TBCK: variants seen among roughly 807,000 people sequenced by gnomAD.
TBCK encodes TBC1 domain containing kinase.
A neutral mutation model predicts 113.4 loss-of-function variants in TBCK; 99 were observed. That is an observed-to-expected ratio of 0.87 (90% CI 0.74 to 1.03). TBCK has a LOEUF of 1.03. TBCK is among the 50% of genes least tolerant of loss of function. The pLI is 0.00. For missense variants in TBCK, 1,045 were observed against 1,061.3 expected (o/e 0.98, Z 0.21); for synonymous variants, 369 against 370.8 (o/e 1.00, Z 0.05).
At chr4:106,264,226 T>C (rs548636783) in intron 3 of TBCK, among the ~76,000 whole-genome samples, 141 of 102,318 alleles carry the variant, frequency 1.4e-3, no homozygotes, top group African/African-American at 4.9e-3. Context: ...TAATGTGACA[T>C]GTAGTGATTA....
At chr4:106,236,311 T>C (rs1024173892) in intron 14 of TBCK, 79 bp downstream of exon 14, 6 of 1,071,618 alleles carry the variant, frequency 5.6e-6, no homozygotes, top group African/African-American at 4.9e-5. Context: ...TTACTCAAGA[T>C]TCCCTAAGAA....
rs1733959414 is a variant in TBCK at position 106,043,146 on chromosome 4, C to A, written c.*3424G>T. ...TTTCATTTCTGACATCAAAAAACTT[C>A]TTTCTTTCAAACTTGGTTAAGCATT... On this transcript the variant is annotated 3_prime_UTR_variant, in exon 26 of 26. Transcript: ENST00000394708. The A allele has an allele frequency of 6.6e-6, 1 of 152,146 alleles. No homozygotes were observed. Among genetic ancestry groups the A allele is most frequent in the Non-Finnish European group, 1.5e-5 (1 of 68,002 alleles). The allele number at this position is 152,146 out of a possible 1,614,324, so 9.4% of individuals were successfully genotyped here. A position where few individuals can be genotyped will look rare whatever the true frequency, so the allele number is the denominator to read the frequency against.
At chr4:106,295,987 C>A (rs1341267214) in intron 2 of TBCK, among the ~76,000 whole-genome samples, 1 of 152,070 alleles carries the variant, frequency 6.6e-6, no homozygotes, top group African/African-American at 2.4e-5. Context: ...GCAGTCCAAA[C>A]CCATGTTGTT....
At chr4:106,096,859 A>G (rs1364690175) in intron 24 of TBCK, among the ~76,000 whole-genome samples, 1 of 152,182 alleles carries the variant, frequency 6.6e-6, no homozygotes, top group Non-Finnish European at 1.5e-5. Context: ...CCATCCATAA[A>G]ATTTGTTCAG....
rs1758045047 is a variant in TBCK, at chr4:106,224,673, A to T, written c.1774+5690T>A. 2.0e-5 allele frequency among the ~76,000 whole-genome samples: 3 copies of T among 152,280 alleles called. No individual in the cohort carries two copies. In the South Asian group the frequency reaches 6.2e-4, roughly 32 times the overall value. On this transcript the variant is annotated intron_variant, in intron 19 of 25. Transcript: ENST00000394708. ...TATCAAACTTTAGTAACCAATATAC[A>T]GTGTACTGTTTCAGCTCCTTCTTTA...
chr4:106,248,480 T>C (rs1311349943), intron 8 of TBCK, among the ~76,000 whole-genome samples, 174 bp from the exon 9 acceptor site: 1 of 152,196 alleles, frequency 6.6e-6, no homozygotes, highest in African/African-American at 2.4e-5. Context: ...AGCATTGCTT[T>C]AAAATAGCTT....
At chr4:106,134,152 G>A (rs1378867403) in intron 23 of TBCK, among the ~76,000 whole-genome samples, 1 of 151,918 alleles carries the variant, frequency 6.6e-6, no homozygotes, top group African/African-American at 2.4e-5. Flanking sequence ...TTGTTTTGAG[G>A]ACAATGTATA....
chr4:106,149,020 C>A (rs553574171), intron 23 of TBCK, among the ~76,000 whole-genome samples: 3 of 152,208 alleles, frequency 2.0e-5, no homozygotes, highest in Non-Finnish European at 4.4e-5. Flanking sequence ...TGTACTTTTA[C>A]GTTTTGAAGA....
chr4:106,131,191 C>G (rs1168322447), intron 23 of TBCK, among the ~76,000 whole-genome samples: 1 of 152,220 alleles, frequency 6.6e-6, no homozygotes, highest in Non-Finnish European at 1.5e-5. Context: ...TAAGATATGA[C>G]TTTGCTCCTC....
At chr4:106,257,503 A>C (rs1417286072) in intron 5 of TBCK, among the ~76,000 whole-genome samples, 1 of 152,152 alleles carries the variant, frequency 6.6e-6, no homozygotes, top group Non-Finnish European at 1.5e-5. Context: ...AAGTCAGGGA[A>C]TGTGACTTAA....
intron 3 of TBCK, among the ~76,000 whole-genome samples, chr4:106,291,649 G>A (rs1035919452): frequency 1.3e-5 from 2 of 152,196 alleles, no homozygotes; most frequent in South Asian, 2.1e-4. Context: ...TTCATCAAAC[G>A]TGTTGACACT....
At position 106,059,005 on chromosome 4, in the gene TBCK, C is replaced by G. The variant is rs1258287871; in HGVS notation, c.2572-12325G>C. Among the ~76,000 whole-genome samples the G allele has an allele frequency of 2.0e-5, 3 of 151,594 alleles. No homozygotes were observed. The South Asian group carries it at 6.2e-4, about 32-fold the overall frequency. ...AGTAATAAGTCAAATAATACTTTTT[C>G]ATATAATTTCTTGCCATTAGTCAAG... On this transcript the variant is annotated intron_variant, in intron 25 of 25. Coordinates refer to ENST00000394708, the MANE Select transcript of TBCK (RefSeq NM_001163435.3).
intron 25 of TBCK, among the ~76,000 whole-genome samples, chr4:106,048,559 T>A (rs1452444560): frequency 2.6e-5 from 4 of 152,138 alleles, no homozygotes. Context: ...GCCTGAGTCA[T>A]GTGCAGGCAG....
intron 3 of TBCK, among the ~76,000 whole-genome samples, chr4:106,286,392 A>AT (rs1765109438): frequency 1.3e-5 from 2 of 152,210 alleles, no homozygotes; most frequent in Admixed American, 6.5e-5. Flanking sequence ...TTGCCACAAG[A>AT]TTTGTCGTCT....
chr4:106,082,185 C>T (rs918598759), intron 25 of TBCK, among the ~76,000 whole-genome samples: 1 of 151,690 alleles, frequency 6.6e-6, no homozygotes, highest in Non-Finnish European at 1.5e-5. Context: ...ATAGCAAAGA[C>T]ATGGAGTCAA....
chr4:106,295,039 CT>C (rs1766134487), intron 3 of TBCK, 54 bp downstream of exon 3: 4 of 1,468,444 alleles, frequency 2.7e-6, no homozygotes, highest in South Asian at 1.3e-5. Context: ...AACAAAATGC[CT>C]TTTTGTTTGC....
chr4:106,195,702 G>T (rs1754154769), intron 20 of TBCK, among the ~76,000 whole-genome samples: 1 of 151,916 alleles, frequency 6.6e-6, no homozygotes, highest in Non-Finnish European at 1.5e-5. Context: ...ATCTTCCCCT[G>T]CCTTTAGACT....
At position 106,057,199 on chromosome 4, in the gene TBCK, T is replaced by C. The variant is rs1196305970; in HGVS notation, c.2572-10519A>G. Reference sequence around the variant, plus strand: ...TGTTCACTCTGAGGGCTACCAACTATTTAGATAGTGAGAGACTGAAAGCTT... The same window carrying C: ...TGTTCACTCTGAGGGCTACCAACTACTTAGATAGTGAGAGACTGAAAGCTT... On this transcript the variant is annotated intron_variant, in intron 25 of 25. Coordinates refer to ENST00000394708, the MANE Select transcript of TBCK (RefSeq NM_001163435.3). 7.9e-5 allele frequency among the ~76,000 whole-genome samples: 12 copies of C among 151,554 alleles called. No individual in the cohort carries two copies. The Admixed American group carries it at 7.9e-4, about 10-fold the overall frequency.
chr4:106,221,834 G>C (rs1206188876), intron 19 of TBCK, among the ~76,000 whole-genome samples: 1 of 152,050 alleles, frequency 6.6e-6, no homozygotes, highest in African/African-American at 2.4e-5. Flanking sequence ...GGTGAGAGGA[G>C]AGAGATGATT....
Sources: allele counts gnomAD v4.1 joint callset (sites outside exome capture counted in the v4.1 genomes callset), GRCh38; gene constraint gnomAD v4.1.1; transcripts MANE v1.5; gene names NCBI Gene and HGNC (gene_info 2026-07-23, HGNC 2026-07-21).